UBQLN4: variants seen among roughly 807,000 people sequenced by gnomAD.
UBQLN4 encodes ubiquilin-4.
Under a neutral mutation model 60.4 loss-of-function variants are expected in UBQLN4, and 11 were observed. That is an observed-to-expected ratio of 0.18 (90% CI 0.11 to 0.30). The LOEUF (loss-of-function observed/expected upper bound fraction) is 0.30, where lower values mean the gene tolerates loss of function less well. Ranked by LOEUF, UBQLN4 falls within the 10% of genes least tolerant of loss-of-function variation. UBQLN4 has a pLI of 1.00. For synonymous variants in UBQLN4, 258 were observed against 313.1 expected, an observed-to-expected ratio of 0.82 and a Z score of 1.86; for missense variants, 417 against 795.5, an observed-to-expected ratio of 0.52 and a Z score of 5.72.
chr1:156,040,915 A>C (rs1362297641), intron 10 of UBQLN4, among the ~76,000 whole-genome samples: 1 of 152,220 alleles, frequency 6.6e-6, no homozygotes, highest in East Asian at 1.9e-4. Context: ...GAGGTAGGTC[A>C]TCCCTGCCCC....
Position 156,048,844 on chromosome 1 carries a change from C to T in UBQLN4, c.742-185G>A, listed in dbSNP as rs112048360. Among the ~76,000 whole-genome samples the T allele has an allele frequency of 0.01, 1,546 of 152,232 alleles. 36 individuals are homozygous for T. The highest frequency in any genetic ancestry group is 0.033 in the African/African-American group (1,364 of 41,502). Reference sequence around the variant, plus strand: ...TCTACTGTAATCTTGGCTCCAAGCCCGCCTCCCTGTGGGTATTTTGGTTGG... The same window carrying T: ...TCTACTGTAATCTTGGCTCCAAGCCTGCCTCCCTGTGGGTATTTTGGTTGG... On this transcript the variant is annotated intron_variant, in intron 4 of 10. Transcript: ENST00000368309. The surrounding 1 kb of genome is among the most constrained non-coding windows in gnomAD (Gnocchi z 4.9).
At chr1:156,043,042 G>T in intron 6 of UBQLN4, 129 bp from the exon 7 acceptor site, 1 of 1,275,940 alleles carries the variant, frequency 7.8e-7, no homozygotes, top group Non-Finnish European at 1.1e-6. Flanking sequence ...GGTCCAGTGG[G>T]CACCCTAGGA....
intron 6 of UBQLN4, among the ~76,000 whole-genome samples, chr1:156,043,623 T>A (rs1018920130): frequency 6.6e-5 from 10 of 152,152 alleles, no homozygotes; most frequent in African/African-American, 2.4e-4. Flanking sequence ...CTTCTGTACA[T>A]GGCAAGCCCT....
chr1:156,036,120 T>G lies in UBQLN4; in HGVS notation c.*858A>C. 7.1e-6 allele frequency: 7 copies of G among 985,620 alleles called. No individual in the cohort carries two copies. The highest frequency in any genetic ancestry group is 8.4e-6 in the Non-Finnish European group (7 of 829,954). 61.1% of individuals were successfully genotyped at this position (985,620 alleles called of 1,614,324 possible). A position where few individuals can be genotyped will look rare whatever the true frequency, so the allele number is the denominator to read the frequency against. On this transcript the variant is annotated 3_prime_UTR_variant, in exon 11 of 11. Transcript: ENST00000368309. ...GTGGCGCTTAGCTTCATTGGGCTCC[T>G]TTTTTCAGTTTAAATTCCATTAGCA...
At position 156,051,810 on chromosome 1, in the gene UBQLN4, C is replaced by A; in HGVS notation, c.156G>T (p.Leu52=). The A allele has an allele frequency of 6.2e-7, 1 of 1,614,146 alleles. No individual in the cohort carries two copies. The highest frequency in any genetic ancestry group is 8.5e-7 in the Non-Finnish European group (1 of 1,180,014). Residue 52 remains leucine (L), a synonymous_variant, in exon 2 of 11, where the codon CTG becomes CTT. Coordinates refer to ENST00000368309, the MANE Select transcript of UBQLN4 (RefSeq NM_020131.5). ...GGATCTTGCCTGCGAAGATCAGGAC[C>A]AGCTGATCCTGCTGAGCCTTAAACC... ...SRRFKAQQDQ[L]VLIFAGKILK...
At chr1:156,042,966 C>T in intron 6 of UBQLN4, 53 bp from the exon 7 acceptor site, 1 of 1,585,324 alleles carries the variant, frequency 6.3e-7, no homozygotes, top group Non-Finnish European at 8.6e-7. Flanking sequence ...CAGATGGAAA[C>T]CGAAGGCCTC....
downstream of UBQLN4, among the ~76,000 whole-genome samples, chr1:156,032,952 G>C (rs753583091): frequency 6.6e-6 from 1 of 152,262 alleles, no homozygotes; most frequent in African/African-American, 2.4e-5. Context: ...AAGAGGAGGA[G>C]GACCAGAGAG....
chr1:156,040,275 A>C (rs367655902), intron 10 of UBQLN4, among the ~76,000 whole-genome samples: 4 of 151,748 alleles, frequency 2.6e-5, no homozygotes, highest in South Asian at 4.2e-4. Context: ...GCGTGCCTGT[A>C]ATCCCAGCTA....
downstream of UBQLN4, among the ~76,000 whole-genome samples, chr1:156,034,453 G>T (rs1030091167): frequency 1.3e-5 from 2 of 151,050 alleles, no homozygotes; most frequent in African/African-American, 4.9e-5. Flanking sequence ...ACCTGCCACC[G>T]TGCCTGGCTA....
chr1:156,053,020 G>A lies in UBQLN4; in HGVS notation c.108+574C>T, dbSNP rs144158060. 1.2e-4 allele frequency among the ~76,000 whole-genome samples: 19 copies of A among 152,274 alleles called. No individual in the cohort carries two copies. The East Asian group carries it at 3.3e-3, about 26-fold the overall frequency. ...ATGTGAAATTATGGAGCGGCCACAG[G>A]GGGTGGCGAACACAGGCAACAGTCC... On this transcript the variant is annotated intron_variant, in intron 1 of 10. Transcript: ENST00000368309.
chr1:156,032,616 C>T (rs916786793), downstream of UBQLN4, among the ~76,000 whole-genome samples: 2 of 151,800 alleles, frequency 1.3e-5, no homozygotes, highest in Non-Finnish European at 2.9e-5. Flanking sequence ...TTTAAGTGAA[C>T]GTGTCTTCCG....
rs1470474639 is a variant in UBQLN4 at position 156,048,738 on chromosome 1, G to C, written c.742-79C>G. ...AGGAAAAGGGTGGGCCTTGAGGAAGGGGGGTCTGTATCAGGATCAGGACCA... is the reference window on the plus strand; with the variant it reads ...AGGAAAAGGGTGGGCCTTGAGGAAGCGGGGTCTGTATCAGGATCAGGACCA... On this transcript the variant is annotated intron_variant, in intron 4 of 10. Transcript: ENST00000368309. The surrounding 1 kb of genome is among the most constrained non-coding windows in gnomAD (Gnocchi z 4.9). 6 of 1,509,998 alleles carry C rather than the reference G, an allele frequency of 4.0e-6. No individual in the cohort carries two copies. In the African/African-American group the frequency reaches 5.5e-5, roughly 14 times the overall value. The allele number at this position is 1,509,998 out of a possible 1,614,324, so 93.5% of individuals were successfully genotyped here.
At chr1:156,034,835 A>AGAATTATATATATATAT (rs1441567378), downstream of UBQLN4, among the ~76,000 whole-genome samples, 19 of 37,526 alleles carry the variant, frequency 5.1e-4, no homozygotes, top group South Asian at 9.9e-4. Flanking sequence ...CTATATATAT[A>AGAATTATATATATATAT]TATATATATA....
rs62001917 is a variant in UBQLN4, at chr1:156,041,545, G to A, written c.1593C>T (p.Ser531=). 7.9e-3 allele frequency: 12,661 copies of A among 1,612,624 alleles called. 61 individuals carry two copies. The highest frequency in any genetic ancestry group is 9.2e-3 in the Non-Finnish European group (10,898 of 1,179,598). The change falls in exon 10 of 11, where the codon AGC becomes AGT. Residue 531 remains serine (S), a synonymous_variant. Coordinates refer to ENST00000368309, the MANE Select transcript of UBQLN4 (RefSeq NM_020131.5). ...PATSSPTGAS[S]AQQQLMQQMI... ...TCTGCTGCATGAGTTGCTGCTGGGCGCTGGAAGCCCCTGTTGGAGAAGATG... is the reference window on the plus strand; with the variant it reads ...TCTGCTGCATGAGTTGCTGCTGGGCACTGGAAGCCCCTGTTGGAGAAGATG...
At chr1:156,033,218 A>G, downstream of UBQLN4, 2 of 985,470 alleles carry the variant, frequency 2.0e-6, no homozygotes, top group Non-Finnish European at 1.2e-6. Context: ...AGACTGACTC[A>G]GCTGTGAGCT....
intron 9 of UBQLN4, 22 bp downstream of exon 9, chr1:156,041,850 C>G (rs371222369): frequency 3.2e-4 from 511 of 1,583,374 alleles, no homozygotes; most frequent in Non-Finnish European, 4.0e-4. Context: ...ACCTTGCTGC[C>G]CTCCTGCCCC....
At position 156,051,702 on chromosome 1, in the gene UBQLN4, T is replaced by G; in HGVS notation, c.260+4A>C. On this transcript the variant is annotated splice_donor_region_variant and intron_variant, in intron 2 of 10. Coordinates refer to ENST00000368309, the MANE Select transcript of UBQLN4 (RefSeq NM_020131.5). ...AGCTGGATCTGCTCTGCTCCTGAACTTACTTCTGAGGGGTCTTGATGACCA... is the reference window on the plus strand; with the variant it reads ...AGCTGGATCTGCTCTGCTCCTGAACGTACTTCTGAGGGGTCTTGATGACCA... The G allele has an allele frequency of 6.2e-7, 1 of 1,613,120 alleles. No individual in the cohort carries two copies. The highest frequency in any genetic ancestry group is 8.5e-7 in the Non-Finnish European group (1 of 1,179,964).
chr1:156,033,374 G>T (rs1489829595), downstream of UBQLN4: 12 of 849,398 alleles, frequency 1.4e-5, no homozygotes, highest in Non-Finnish European at 1.6e-5. Context: ...ATGATTCCAG[G>T]TTTTTTTTGT....
rs1010826007 is a variant in UBQLN4, at chr1:156,050,664, C to G, written c.479-111G>C. On this transcript the variant is annotated intron_variant, in intron 3 of 10. Coordinates refer to ENST00000368309, the MANE Select transcript of UBQLN4 (RefSeq NM_020131.5). The surrounding 1 kb of genome is among the most constrained non-coding windows in gnomAD (Gnocchi z 4.6). ...CGCCCCAAATGCTTCTCACATGTCC[C>G]TCTTCCTGTCATTCCCACAGCCCGG... 17 of 1,418,896 alleles carry G rather than the reference C, an allele frequency of 1.2e-5. No individual in the cohort carries two copies. The highest frequency in any genetic ancestry group is 1.6e-5 in the Non-Finnish European group (17 of 1,071,720). The allele number at this position is 1,418,896 out of a possible 1,614,324, so 87.9% of individuals were successfully genotyped here. A position where few individuals can be genotyped will look rare whatever the true frequency, so the allele number is the denominator to read the frequency against.
Sources: allele counts gnomAD v4.1 joint callset (sites outside exome capture counted in the v4.1 genomes callset), GRCh38; gene constraint gnomAD v4.1.1; non-coding constraint Gnocchi (gnomAD v3.1); transcripts MANE v1.5; gene names NCBI Gene and HGNC (gene_info 2026-07-23, HGNC 2026-07-21).